The following LONP2 variants were observed in gnomAD, a reference collection of about 807,000 sequenced individuals.
The protein encoded by LONP2 is lon protease homolog 2, peroxisomal.
In LONP2, 60 loss-of-function variants were observed where a neutral mutation model predicts 85.6. The observed-to-expected ratio is 0.70, with a 90% CI of 0.57 to 0.87. LONP2 has a LOEUF of 0.87. Among genes scored for constraint, LONP2 ranks in the 40% least tolerant of loss-of-function variants. LONP2 has a pLI of 0.00. For missense variants in LONP2, 860 were observed against 1,063.5 expected, an observed-to-expected ratio of 0.81 and a Z score of 2.66; for synonymous variants, 395 against 389.7, an observed-to-expected ratio of 1.01 and a Z score of -0.16.
At position 48,356,869 on chromosome 16, in the gene LONP2, TA is replaced by T. The variant is rs150126658; in HGVS notation, c.*5070del. The T allele has an allele frequency of 0.082, 14,205 of 173,978 alleles. 646 individuals carry two copies. The highest frequency in any genetic ancestry group is 0.099 in the Middle Eastern group (62 of 628). 10.8% of individuals were successfully genotyped at this position (173,978 alleles called of 1,614,324 possible). ...TCTAGGCAATACAAACTCTTGAGGC[TA>T]AATCCTCATCCTGACATGACAGTGC... On this transcript the variant is annotated 3_prime_UTR_variant, in exon 15 of 15. Coordinates refer to ENST00000285737, the MANE Select transcript of LONP2 (RefSeq NM_031490.5).
Position 48,244,321 on chromosome 16 carries a change from C to G in LONP2, c.-68C>G. ...AGGCGGGTCTGAGGTTTGGTGACTG[C>G]GGGGCAGGCCGGGGGCAGCTGTCTG... On this transcript the variant is annotated 5_prime_UTR_variant, in exon 1 of 15. Transcript: ENST00000285737. The G allele has an allele frequency of 8.2e-7, 1 of 1,212,690 alleles. No individual in the cohort carries two copies. The highest frequency in any genetic ancestry group is 1.1e-6 in the Non-Finnish European group (1 of 901,314). The allele number at this position is 1,212,690 out of a possible 1,614,324, so 75.1% of individuals were successfully genotyped here. A position where few individuals can be genotyped will look rare whatever the true frequency, so the allele number is the denominator to read the frequency against.
In LONP2 at chr16:48,355,888, GTA is replaced by G. The variant is rs1280970303; in HGVS notation, c.*4088_*4089del. The G allele has an allele frequency of 6.6e-6, 1 of 152,050 alleles. No homozygotes were observed. The highest frequency in any genetic ancestry group is 1.5e-5 in the Non-Finnish European group (1 of 68,008). The allele number at this position is 152,050 out of a possible 1,614,324, so 9.4% of individuals were successfully genotyped here. A position where few individuals can be genotyped will look rare whatever the true frequency, so the allele number is the denominator to read the frequency against. ...ACTTAGGGATATGTGTATTTTACCGGTATTCCACGTTTTATGCATGGGTTTTT... is the reference window on the plus strand; with the variant it reads ...ACTTAGGGATATGTGTATTTTACCGGTTCCACGTTTTATGCATGGGTTTTT... On this transcript the variant is annotated 3_prime_UTR_variant, in exon 15 of 15. Coordinates refer to ENST00000285737, the MANE Select transcript of LONP2 (RefSeq NM_031490.5).
At chr16:48,295,856 G>T (rs917847722) in intron 8 of LONP2, among the ~76,000 whole-genome samples, 159 bp from the exon 9 acceptor site, 11 of 152,200 alleles carry the variant, frequency 7.2e-5, no homozygotes, top group Non-Finnish European at 1.0e-4. Context: ...AGAATGTAGA[G>T]AATGCAAATA....
At chr16:48,245,020 G>T (rs1292515741) in intron 1 of LONP2, among the ~76,000 whole-genome samples, 1 of 151,952 alleles carries the variant, frequency 6.6e-6, no homozygotes, top group Non-Finnish European at 1.5e-5. Flanking sequence ...TCTCCCCACT[G>T]CCCTTTACTC....
At chr16:48,302,712 T>A (rs1972832313) in intron 10 of LONP2, among the ~76,000 whole-genome samples, 1 of 152,238 alleles carries the variant, frequency 6.6e-6, no homozygotes, top group Non-Finnish European at 1.5e-5. Context: ...AAAACCAGAT[T>A]TCTGTCTCAG....
At chr16:48,279,628 A>G (rs1972284997) in intron 8 of LONP2, among the ~76,000 whole-genome samples, 1 of 152,070 alleles carries the variant, frequency 6.6e-6, no homozygotes, top group African/African-American at 2.4e-5. Context: ...TATGTTCTTA[A>G]GAAAATAAAC....
chr16:48,282,803 G>A (rs1484293779), intron 8 of LONP2, among the ~76,000 whole-genome samples: 1 of 152,084 alleles, frequency 6.6e-6, no homozygotes, highest in Non-Finnish European at 1.5e-5. Flanking sequence ...GTGTTGAAGT[G>A]AAAGGAAGAG....
intron 12 of LONP2, among the ~76,000 whole-genome samples, chr16:48,336,049 T>C (rs752239080): frequency 1.3e-5 from 2 of 152,216 alleles, no homozygotes; most frequent in Non-Finnish European, 2.9e-5. Context: ...ATGACCTTTT[T>C]CTGTAGGCTT....
chr16:48,259,566 G>A lies in LONP2; in HGVS notation c.723+826G>A, dbSNP rs145612738. ...GCGCTCTGACTTAAGTTGAGGCGTT[G>A]AGAATTATGTTAGCAATTTGACGTT... On this transcript the variant is annotated intron_variant, in intron 4 of 14. Coordinates refer to ENST00000285737, the MANE Select transcript of LONP2 (RefSeq NM_031490.5). Among the ~76,000 whole-genome samples, 232 of 152,342 alleles carry A rather than the reference G, an allele frequency of 1.5e-3. No homozygotes were observed. In the Middle Eastern group the frequency reaches 0.024, roughly 16 times the overall value.
intron 11 of LONP2, among the ~76,000 whole-genome samples, chr16:48,324,198 G>A (rs949749381): frequency 6.6e-6 from 1 of 152,104 alleles, no homozygotes; most frequent in Non-Finnish European, 1.5e-5. Context: ...CTGCAATTTT[G>A]TGCAATAAGA....
At chr16:48,249,189 C>T (rs1387784780) in intron 1 of LONP2, among the ~76,000 whole-genome samples, 4 of 152,018 alleles carry the variant, frequency 2.6e-5, no homozygotes, top group South Asian at 4.2e-4. Context: ...AGGGTAGATT[C>T]GAGTTAGGAG....
intron 9 of LONP2, 142 bp downstream of exon 9, chr16:48,296,307 A>T: frequency 1.1e-6 from 1 of 902,720 alleles, no homozygotes; most frequent in Non-Finnish European, 1.6e-6. Flanking sequence ...TATATAAATC[A>T]GTTTCTATGT....
At chr16:48,273,001 CAT>C (rs1972136840) in intron 7 of LONP2, among the ~76,000 whole-genome samples, 2 of 152,130 alleles carry the variant, frequency 1.3e-5, no homozygotes, top group Non-Finnish European at 2.9e-5. Context: ...CCTGGGGGAA[CAT>C]GTGGTTCCAT....
chr16:48,362,667 G>A lies in LONP2; in HGVS notation c.*804G>A, dbSNP rs1351683870. 25 of 481,074 alleles carry A rather than the reference G, an allele frequency of 5.2e-5. No individual in the cohort carries two copies. The highest frequency in any genetic ancestry group is 4.0e-5 in the East Asian group (1 of 24,784). 29.8% of individuals were successfully genotyped at this position (481,074 alleles called of 1,614,324 possible). A position where few individuals can be genotyped will look rare whatever the true frequency, so the allele number is the denominator to read the frequency against. ...TTTCAAAATGTTCCGGAAAACATGT[G>A]GAACTCCCTTAATCGTCTTTGGATA... On this transcript the variant is annotated 3_prime_UTR_variant, in exon 5 of 5. Coordinates refer to the LONP2 transcript ENST00000565867. The surrounding 1 kb of genome is among the most constrained non-coding windows in gnomAD (Gnocchi z 4.2).
intron 12 of LONP2, 96 bp downstream of exon 12, chr16:48,334,454 T>C: frequency 6.9e-7 from 1 of 1,443,512 alleles, no homozygotes; most frequent in Non-Finnish European, 9.7e-7. Context: ...AGGCTGCCCT[T>C]TGGGGAAGGA....
chr16:48,318,004 T>C (rs1208875919), intron 11 of LONP2, among the ~76,000 whole-genome samples: 1 of 152,072 alleles, frequency 6.6e-6, no homozygotes, highest in Non-Finnish European at 1.5e-5. Flanking sequence ...AGGTATTACA[T>C]CCTTAATTCC....
chr16:48,286,388 G>A (rs573598081), intron 8 of LONP2, among the ~76,000 whole-genome samples: 39 of 152,100 alleles, frequency 2.6e-4, no homozygotes, highest in South Asian at 6.2e-4. Flanking sequence ...TGATCTGCCC[G>A]CCTTGGCCTC....
At position 48,352,497 on chromosome 16, in the gene LONP2, G is replaced by A. The variant is rs539454955; in HGVS notation, c.*695G>A. ...GTCTCTACAAAAAATATACAGGCGTGTTAGCATGTGCCTGTAATCCCAGCT... is the reference window on the plus strand; with the variant it reads ...GTCTCTACAAAAAATATACAGGCGTATTAGCATGTGCCTGTAATCCCAGCT... On this transcript the variant is annotated 3_prime_UTR_variant, in exon 15 of 15. Transcript: ENST00000285737. 2 of 152,286 alleles carry A rather than the reference G, an allele frequency of 1.3e-5. No homozygotes were observed. The highest frequency in any genetic ancestry group is 2.9e-5 in the Non-Finnish European group (2 of 68,060). The allele number at this position is 152,286 out of a possible 1,614,324, so 9.4% of individuals were successfully genotyped here. A position where few individuals can be genotyped will look rare whatever the true frequency, so the allele number is the denominator to read the frequency against.
At chr16:48,318,509 ACT>A (rs1973193991) in intron 11 of LONP2, among the ~76,000 whole-genome samples, 1 of 152,122 alleles carries the variant, frequency 6.6e-6, no homozygotes, top group South Asian at 2.1e-4. Context: ...ACAGAGCAAG[ACT>A]CTGCCTCAAA....
Sources: allele counts gnomAD v4.1 joint callset (sites outside exome capture counted in the v4.1 genomes callset), GRCh38; gene constraint gnomAD v4.1.1; non-coding constraint Gnocchi (gnomAD v3.1); transcripts MANE v1.5; gene names NCBI Gene and HGNC (gene_info 2026-07-23, HGNC 2026-07-21).